The following CSMD1 variants were observed in gnomAD, a reference collection of about 807,000 sequenced individuals.
CSMD1 encodes the protein CUB and Sushi multiple domains 1, also known as CUB and sushi domain-containing protein 1.
Under a neutral mutation model 417.5 loss-of-function variants are expected in CSMD1, and 213 were observed. That is an observed-to-expected ratio of 0.51 (90% CI 0.46 to 0.57). CSMD1 has a LOEUF of 0.57. Among genes scored for constraint, CSMD1 ranks in the 20% least tolerant of loss-of-function variants. The pLI is 0.00. For missense variants in CSMD1, 6,923 were observed against 4,529.7 expected (o/e 1.53, Z -15.17); for synonymous variants, 2,862 against 1,736.8 (o/e 1.65, Z -16.11).
chr8:4,867,723 A>G (rs1802500009), intron 1 of CSMD1, among the ~76,000 whole-genome samples: 2 of 152,114 alleles, frequency 1.3e-5, no homozygotes, highest in African/African-American at 4.8e-5. Flanking sequence ...TTGTCAAACA[A>G]AATGCCGTAT....
intron 5 of CSMD1, among the ~76,000 whole-genome samples, chr8:3,992,645 G>C (rs947740363): frequency 1.3e-5 from 2 of 152,080 alleles, no homozygotes; most frequent in South Asian, 2.1e-4. Context: ...AAATTAGCCA[G>C]GGTTCTGCAC....
chr8:3,955,051 G>A (rs1361442203), intron 5 of CSMD1, among the ~76,000 whole-genome samples: 3 of 152,156 alleles, frequency 2.0e-5, no homozygotes, highest in African/African-American at 7.2e-5. Context: ...TTTCAAAGAG[G>A]CAATGCGATA....
intron 5 of CSMD1, among the ~76,000 whole-genome samples, chr8:3,876,693 T>C (rs941444570): frequency 6.6e-6 from 1 of 152,202 alleles, no homozygotes; most frequent in African/African-American, 2.4e-5. Flanking sequence ...CACTGTAGCC[T>C]TGACTTCCCA....
intron 2 of CSMD1, among the ~76,000 whole-genome samples, chr8:4,540,776 C>G (rs1438420723): frequency 6.6e-6 from 1 of 151,982 alleles, no homozygotes; most frequent in East Asian, 1.9e-4. Context: ...TCATCCCGGA[C>G]CAGTGAGGTA....
intron 26 of CSMD1, among the ~76,000 whole-genome samples, chr8:3,283,146 C>T (rs746357668): frequency 1.1e-4 from 16 of 152,268 alleles, no homozygotes; most frequent in Middle Eastern, 3.4e-3. Context: ...GCAGAGGTTC[C>T]TCTGTCATAT....
intron 2 of CSMD1, among the ~76,000 whole-genome samples, chr8:4,539,274 A>C (rs1797260909): frequency 6.6e-6 from 1 of 152,206 alleles, no homozygotes; most frequent in South Asian, 2.1e-4. Flanking sequence ...TATTTCTGGA[A>C]GATAGTATGC....
At chr8:4,605,644 A>G (rs1170527716) in intron 2 of CSMD1, among the ~76,000 whole-genome samples, 1 of 152,210 alleles carries the variant, frequency 6.6e-6, no homozygotes, top group Admixed American at 6.5e-5. Flanking sequence ...CCTTTTTTAA[A>G]ATTATCTTCC....
At chr8:3,197,707 G>A (rs569216887) in intron 33 of CSMD1, among the ~76,000 whole-genome samples, 266 of 147,592 alleles carry the variant, frequency 1.8e-3, no homozygotes, top group Non-Finnish European at 3.0e-3. Context: ...CTCGTGATCC[G>A]CCCGCCTCGG....
intron 26 of CSMD1, among the ~76,000 whole-genome samples, chr8:3,270,534 A>T (rs1801768252): frequency 6.6e-6 from 1 of 152,232 alleles, no homozygotes; most frequent in Admixed American, 6.5e-5. Flanking sequence ...TGGTATCAAA[A>T]TTTTAAGTGA....
intron 26 of CSMD1, among the ~76,000 whole-genome samples, chr8:3,282,183 A>C (rs1343605079): frequency 6.6e-6 from 1 of 152,172 alleles, no homozygotes; most frequent in Non-Finnish European, 1.5e-5. Flanking sequence ...CATAACACCA[A>C]AAGTGAACCC....
At chr8:3,488,889 C>G (rs1818211059) in intron 11 of CSMD1, among the ~76,000 whole-genome samples, 1 of 152,034 alleles carries the variant, frequency 6.6e-6, no homozygotes, top group South Asian at 2.1e-4. Context: ...AATCTTATTT[C>G]TATTTGGTTT....
chr8:3,685,003 A>C (rs1799875137), intron 7 of CSMD1, among the ~76,000 whole-genome samples: 1 of 152,142 alleles, frequency 6.6e-6, no homozygotes, highest in Non-Finnish European at 1.5e-5. Flanking sequence ...ATATTTTTGG[A>C]CTGAAGTGAG....
chr8:3,523,009 A>C (rs1222941272), intron 10 of CSMD1, among the ~76,000 whole-genome samples: 1 of 114,514 alleles, frequency 8.7e-6, no homozygotes, highest in East Asian at 2.2e-4. Flanking sequence ...ACATATATAC[A>C]CACACCCACA....
chr8:4,165,036 C>T (rs767329949), intron 3 of CSMD1, among the ~76,000 whole-genome samples: 4 of 152,064 alleles, frequency 2.6e-5, no homozygotes, highest in Non-Finnish European at 5.9e-5. Flanking sequence ...CCTGAGGTTT[C>T]TGTATTGGTA....
chr8:2,945,742 A>G (rs1171982661), intron 68 of CSMD1, among the ~76,000 whole-genome samples: 2 of 151,506 alleles, frequency 1.3e-5, no homozygotes, highest in Non-Finnish European at 2.9e-5. Context: ...CTCCTCTCTC[A>G]TTGCCCTCCT....
intron 3 of CSMD1, among the ~76,000 whole-genome samples, chr8:4,071,502 C>G (rs915868522): frequency 1.3e-5 from 2 of 152,126 alleles, no homozygotes; most frequent in Admixed American, 1.3e-4. Context: ...AAGAGCATTG[C>G]TTCCTTTACT....
At chr8:3,118,947 G>A (rs571503432) in intron 41 of CSMD1, among the ~76,000 whole-genome samples, 2 of 152,286 alleles carry the variant, frequency 1.3e-5, no homozygotes, top group South Asian at 2.1e-4. Flanking sequence ...CTGGGAGGCC[G>A]AGGCGGGAGG....
At chr8:4,829,919 T>A (rs990240491) in intron 1 of CSMD1, among the ~76,000 whole-genome samples, 5 of 152,094 alleles carry the variant, frequency 3.3e-5, no homozygotes, top group African/African-American at 1.2e-4. Context: ...CGTTGCCCTG[T>A]TTAGAGGCCT....
intron 8 of CSMD1, among the ~76,000 whole-genome samples, chr8:3,601,771 C>T (rs1358539517): frequency 6.6e-6 from 1 of 152,192 alleles, no homozygotes; most frequent in East Asian, 1.9e-4. Flanking sequence ...ACCATTCTCC[C>T]TGCTCCCTAA....
Sources: allele counts gnomAD v4.1 joint callset (sites outside exome capture counted in the v4.1 genomes callset), GRCh38; gene constraint gnomAD v4.1.1; transcripts MANE v1.5; gene names NCBI Gene and HGNC (gene_info 2026-07-23, HGNC 2026-07-21).